The following FSCN2 variants were observed in gnomAD, a reference collection of about 807,000 sequenced individuals.
FSCN2 encodes the protein fascin actin-bundling protein 2, retinal.
In FSCN2, 46 loss-of-function variants were observed where a neutral mutation model predicts 37.8. That is an observed-to-expected ratio of 1.22 (90% CI 0.96 to 1.56). FSCN2 has a LOEUF of 1.56. FSCN2 is among the 40% of genes most tolerant of loss of function. The pLI is 0.00. For missense variants in FSCN2, 844 were observed against 730.4 expected (o/e 1.16, Z -1.79); for synonymous variants, 351 against 309.4 (o/e 1.13, Z -1.41).
the FSCN2 span, among the ~76,000 whole-genome samples, chr17:81,516,619 C>T: frequency 6.6e-6 from 1 of 152,208 alleles, no homozygotes; most frequent in African/African-American, 2.4e-5. Flanking sequence ...TCCTGCAACT[C>T]GGCCTGGCTG....
At chr17:81,521,073 TTTTC>T in the FSCN2 span, among the ~76,000 whole-genome samples, 3 of 152,204 alleles carry the variant, frequency 2.0e-5, no homozygotes, top group Non-Finnish European at 1.5e-5. Flanking sequence ...TGAAATTTTT[TTTTC>T]TTTTTTTGAG....
chr17:81,531,067 G>A (rs1366504455), intron 1 of FSCN2, among the ~76,000 whole-genome samples: 6 of 152,198 alleles, frequency 3.9e-5, no homozygotes, highest in African/African-American at 7.2e-5. Context: ...GGCCGTGGCC[G>A]TGGCATTGTG....
chr17:81,522,248 G>A, the FSCN2 span, among the ~76,000 whole-genome samples: 3 of 152,114 alleles, frequency 2.0e-5, no homozygotes, highest in East Asian at 1.9e-4. Flanking sequence ...CTCGTGATCC[G>A]CCTGCCTCGG....
At chr17:81,518,316 C>T in the FSCN2 span, among the ~76,000 whole-genome samples, 1 of 152,026 alleles carries the variant, frequency 6.6e-6, no homozygotes, top group South Asian at 2.1e-4. Flanking sequence ...TCTTGGGGCA[C>T]AGCATCCTTG....
chr17:81,531,270 AT>A (rs2032554527), intron 1 of FSCN2, among the ~76,000 whole-genome samples: 1 of 29,148 alleles, frequency 3.4e-5, no homozygotes, highest in African/African-American at 1.3e-4. Context: ...GATGGTGGTG[AT>A]GGCGGTGGTG....
In FSCN2 at chr17:81,528,475, C is replaced by G; in HGVS notation, c.-57C>G. On this transcript the variant is annotated 5_prime_UTR_variant, in exon 1 of 5. Transcript: ENST00000417245. ...CCGGGCTTCTGGGGGACCGCGGGGGCCGTGAGCACTCAGAGGGCGCATCCC... is the reference window on the plus strand; with the variant it reads ...CCGGGCTTCTGGGGGACCGCGGGGGGCGTGAGCACTCAGAGGGCGCATCCC... 7.6e-7 allele frequency: 1 copy of G among 1,323,314 alleles called. No homozygotes were observed. Among genetic ancestry groups the G allele is most frequent in the Non-Finnish European group, 1.1e-6 (1 of 951,408 alleles). 82.0% of individuals were successfully genotyped at this position (1,323,314 alleles called of 1,614,324 possible).
chr17:81,536,593 G>T, intron 3 of FSCN2, 29 bp from the exon 4 acceptor site: 1 of 1,605,094 alleles, frequency 6.2e-7, no homozygotes, highest in Non-Finnish European at 8.5e-7. Context: ...TGGCGGGAGG[G>T]GCAGCGCAGC....
Position 81,535,996 on chromosome 17 carries a change from A to G in FSCN2, c.984-150A>G, listed in dbSNP as rs1484711168. 10 of 955,304 alleles carry G rather than the reference A, an allele frequency of 1.0e-5. No homozygotes were observed. In the South Asian group the frequency reaches 1.5e-4, roughly 14 times the overall value. The allele number at this position is 955,304 out of a possible 1,614,324, so 59.2% of individuals were successfully genotyped here. On this transcript the variant is annotated intron_variant, in intron 2 of 4. Transcript: ENST00000417245. ...GCAGCTCAGTCAGAAAGGAAAGCCC[A>G]CTGGGGCAGGGTAGCGCCTGATGGT...
chr17:81,517,128 G>A, the FSCN2 span, among the ~76,000 whole-genome samples: 9,544 of 151,932 alleles, frequency 0.063, 643 homozygotes, highest in African/African-American at 0.17. Context: ...AGACACTCAG[G>A]CCGAGAGTCC....
chr17:81,520,467 G>A, the FSCN2 span, among the ~76,000 whole-genome samples: 3 of 152,244 alleles, frequency 2.0e-5, no homozygotes, highest in Admixed American at 1.3e-4. Flanking sequence ...ACCTTGACAA[G>A]CCCCATTTCC....
At chr17:81,519,359 C>G in the FSCN2 span, among the ~76,000 whole-genome samples, 1 of 152,168 alleles carries the variant, frequency 6.6e-6, no homozygotes, top group Admixed American at 6.5e-5. Context: ...GGCCCAGGAC[C>G]CGCACTCAGC....
intron 1 of FSCN2, among the ~76,000 whole-genome samples, chr17:81,531,099 G>A (rs2032533319): frequency 6.6e-6 from 1 of 152,162 alleles, no homozygotes; most frequent in Non-Finnish European, 1.5e-5. Context: ...ATGGTGGCGT[G>A]GAAGTGGAGG....
At chr17:81,531,117 G>A (rs1216383239) in intron 1 of FSCN2, among the ~76,000 whole-genome samples, 2 of 151,006 alleles carry the variant, frequency 1.3e-5, no homozygotes, top group Non-Finnish European at 3.0e-5. Flanking sequence ...AGGTGAGGAC[G>A]GTGGTGACAG....
At chr17:81,524,893 T>TCACA (rs138139508), upstream of FSCN2, among the ~76,000 whole-genome samples, 1,555 of 122,826 alleles carry the variant, frequency 0.013, 19 homozygotes, top group African/African-American at 0.016. Context: ...ATGAGCACCT[T>TCACA]CACACACACA....
intron 2 of FSCN2, 143 bp downstream of exon 2, chr17:81,535,351 C>G: frequency 3.6e-6 from 2 of 551,286 alleles, no homozygotes; most frequent in East Asian, 6.3e-5. Context: ...ACCACCATCC[C>G]CATCTCCACC....
At chr17:81,530,848 A>G (rs1269072417) in intron 1 of FSCN2, among the ~76,000 whole-genome samples, 1 of 152,210 alleles carries the variant, frequency 6.6e-6, no homozygotes, top group Non-Finnish European at 1.5e-5. Context: ...ATGCACGGCC[A>G]TGGCCCTTCC....
intron 1 of FSCN2, chr17:81,530,229 G>T (rs78333089): frequency 1.6e-4 from 45 of 273,598 alleles, no homozygotes; most frequent in African/African-American, 9.8e-4. Context: ...CCTCAGGAGT[G>T]GGGGGGCTTA....
chr17:81,532,265 AGTGATGGTG>A (rs1421943936), intron 1 of FSCN2, among the ~76,000 whole-genome samples: 1 of 56,162 alleles, frequency 1.8e-5, no homozygotes, highest in African/African-American at 7.6e-5. Flanking sequence ...TGATGATGAT[AGTGATGGTG>A]GTGATGGTGA....
intron 1 of FSCN2, among the ~76,000 whole-genome samples, chr17:81,534,321 A>G (rs2032783264): frequency 6.6e-6 from 1 of 152,020 alleles, no homozygotes; most frequent in South Asian, 2.1e-4. Context: ...TGGACAGGCC[A>G]CCAGAGTCCC....
Sources: allele counts gnomAD v4.1 joint callset (sites outside exome capture counted in the v4.1 genomes callset), GRCh38; gene constraint gnomAD v4.1.1; transcripts MANE v1.5; gene names NCBI Gene and HGNC (gene_info 2026-07-23, HGNC 2026-07-21).